Variants in OSBPL10 observed in about 807,000 individuals in gnomAD.
OSBPL10 encodes the protein oxysterol binding protein like 10.
Under a neutral mutation model 81.7 loss-of-function variants are expected in OSBPL10, and 49 were observed. The observed-to-expected ratio is 0.60, with a 90% CI of 0.48 to 0.76. The LOEUF (loss-of-function observed/expected upper bound fraction) is 0.76. Among genes scored for constraint, OSBPL10 ranks in the 30% least tolerant of loss-of-function variants. OSBPL10 has a pLI of 0.00. For synonymous variants in OSBPL10, 419 were observed against 383.6 expected (o/e 1.09, Z -1.08); for missense variants, 923 against 987.8 (o/e 0.93, Z 0.88).
chr3:31,764,692 C>T (rs925561075), intron 4 of OSBPL10, among the ~76,000 whole-genome samples: 2 of 152,284 alleles, frequency 1.3e-5, no homozygotes, highest in South Asian at 4.1e-4. Flanking sequence ...TCAGGCTTAA[C>T]CATCATTTCT....
chr3:32,028,286 A>T lies in OSBPL10; in HGVS notation n.298+18205T>A, dbSNP rs188352581. ...ATGTCTGAGAACCACTATACTAAGG[A>T]ACTCAAACATAAAAGGCCAAATCAG... is the stretch of plus-strand genomic sequence containing the variant. On this transcript the variant is annotated intron_variant and non_coding_transcript_variant, in intron 2 of 3. Coordinates refer to the OSBPL10 transcript ENST00000479173. Among the ~76,000 whole-genome samples, 3 of 152,358 alleles carry T rather than the reference A, an allele frequency of 2.0e-5. No homozygotes were observed. In the East Asian group the frequency reaches 5.8e-4, roughly 29 times the overall value.
At chr3:31,897,694 A>C (rs914968711) in intron 1 of OSBPL10, among the ~76,000 whole-genome samples, 3 of 152,186 alleles carry the variant, frequency 2.0e-5, no homozygotes, top group African/African-American at 7.2e-5. Flanking sequence ...TAGAGTTTTT[A>C]ATATCAGCAC....
In OSBPL10 at chr3:31,860,441, G is replaced by A. The variant is rs568588388; in HGVS notation, c.537+15992C>T. ...AAACTGCATTAGAAGGATTTACTAT[G>A]GGAGAAGAATGAGGGGCTCCAGGCA... On this transcript the variant is annotated intron_variant, in intron 3 of 11. Transcript: ENST00000396556. 5.1e-4 allele frequency among the ~76,000 whole-genome samples: 78 copies of A among 152,266 alleles called. 1 individual carries two copies. In the South Asian group the frequency reaches 0.015, roughly 28 times the overall value.
At chr3:31,751,306 C>T (rs953262333) in intron 4 of OSBPL10, among the ~76,000 whole-genome samples, 9 of 151,938 alleles carry the variant, frequency 5.9e-5, no homozygotes, top group East Asian at 1.9e-4. Flanking sequence ...GTGACCACAC[C>T]GCTACACTCC....
chr3:31,723,542 A>ACC (rs1696720418), intron 6 of OSBPL10, among the ~76,000 whole-genome samples: 1 of 135,254 alleles, frequency 7.4e-6, no homozygotes, highest in African/African-American at 2.6e-5. Context: ...TGTTTCTTAC[A>ACC]CACACACACA....
chr3:31,990,688 C>G (rs2125521753), intron 2 of OSBPL10: 1 of 1,614,108 alleles, frequency 6.2e-7, no homozygotes, highest in Admixed American at 1.7e-5. Flanking sequence ...TGGAGAGAAA[C>G]CTTACAAATG....
chr3:32,032,432 A>C (rs957262584), intron 2 of OSBPL10, among the ~76,000 whole-genome samples: 1 of 152,114 alleles, frequency 6.6e-6, no homozygotes, highest in Non-Finnish European at 1.5e-5. Context: ...TAACTAATTA[A>C]TTAAAAATTA....
intron 2 of OSBPL10, among the ~76,000 whole-genome samples, chr3:32,031,795 T>A (rs914226334): frequency 1.8e-5 from 1 of 56,532 alleles, no homozygotes; most frequent in Non-Finnish European, 4.5e-5. Context: ...AAAATTCTGA[T>A]GTTAGTACTT....
At chr3:32,076,092 A>C (rs4502622) in intron 1 of OSBPL10, among the ~76,000 whole-genome samples, 1 of 152,038 alleles carries the variant, frequency 6.6e-6, no homozygotes, top group Admixed American at 6.6e-5. Context: ...TGATATGGCC[A>C]GGCGCGGTGG....
intron 4 of OSBPL10, among the ~76,000 whole-genome samples, chr3:31,824,638 T>G (rs932909480): frequency 6.6e-6 from 1 of 152,174 alleles, no homozygotes; most frequent in Non-Finnish European, 1.5e-5. Context: ...TTTGTTGGTT[T>G]GGACGCAGAG....
At chr3:31,798,157 G>A (rs1413463701) in intron 4 of OSBPL10, among the ~76,000 whole-genome samples, 1 of 152,132 alleles carries the variant, frequency 6.6e-6, no homozygotes, top group Non-Finnish European at 1.5e-5. Context: ...GAGGCCAGGC[G>A]CAGTGGCTCA....
At chr3:31,835,905 A>C (rs1199398515) in intron 3 of OSBPL10, among the ~76,000 whole-genome samples, 1 of 152,222 alleles carries the variant, frequency 6.6e-6, no homozygotes, top group Non-Finnish European at 1.5e-5. Flanking sequence ...CTGGAATTTC[A>C]CTTTCCTGAT....
At chr3:31,813,566 T>A (rs1008682607) in intron 4 of OSBPL10, among the ~76,000 whole-genome samples, 2 of 152,200 alleles carry the variant, frequency 1.3e-5, no homozygotes, top group Non-Finnish European at 2.9e-5. Flanking sequence ...AGAAATTACA[T>A]GTAAAGTAAA....
chr3:32,047,062 C>T (rs1159682828), intron 1 of OSBPL10, among the ~76,000 whole-genome samples: 1 of 152,122 alleles, frequency 6.6e-6, no homozygotes, highest in Admixed American at 6.5e-5. Flanking sequence ...TGCAGTGGCA[C>T]GATCTCGGCT....
chr3:31,691,382 C>A (rs1695543640), intron 7 of OSBPL10, among the ~76,000 whole-genome samples: 1 of 152,082 alleles, frequency 6.6e-6, no homozygotes, highest in African/African-American at 2.4e-5. Flanking sequence ...GCACAGCTGG[C>A]CTCTGCAAAT....
At chr3:31,951,526 T>A (rs906070905) in intron 1 of OSBPL10, among the ~76,000 whole-genome samples, 1 of 151,990 alleles carries the variant, frequency 6.6e-6, no homozygotes, top group Non-Finnish European at 1.5e-5. Flanking sequence ...GGTTATATTA[T>A]CCTTCCTAGA....
chr3:31,978,638 C>T (rs539044802), intron 1 of OSBPL10, among the ~76,000 whole-genome samples: 140 of 152,260 alleles, frequency 9.2e-4, no homozygotes, highest in Non-Finnish European at 1.6e-3. Context: ...TTAACAATTA[C>T]AGACGATGCT....
chr3:31,709,789 A>C (rs984798415), intron 6 of OSBPL10, among the ~76,000 whole-genome samples: 2 of 152,180 alleles, frequency 1.3e-5, no homozygotes, highest in Non-Finnish European at 2.9e-5. Context: ...AAAAGCAGGG[A>C]AAGGGCAGGG....
At chr3:31,961,136 T>TA (rs1360587078) in intron 1 of OSBPL10, among the ~76,000 whole-genome samples, 2 of 150,598 alleles carry the variant, frequency 1.3e-5, no homozygotes, top group African/African-American at 4.9e-5. Flanking sequence ...AGAATGAAGC[T>TA]ATTCTATAAC....
Sources: gnomAD v4.1 joint callset for allele counts (sites outside exome capture counted in the v4.1 genomes callset) on GRCh38, gnomAD v4.1.1 for gene constraint, MANE v1.5 for transcripts, NCBI Gene and HGNC (gene_info 2026-07-23, HGNC 2026-07-21) for gene names.